TMEM132D: variants seen among roughly 807,000 people sequenced by gnomAD.
TMEM132D encodes the protein transmembrane protein 132D, also known as mature OL transmembrane protein.
Under a neutral mutation model 62.3 loss-of-function variants are expected in TMEM132D, and 21 were observed. That is an observed-to-expected ratio of 0.34 (90% CI 0.24 to 0.49). The LOEUF is 0.49. Among genes scored for constraint, TMEM132D ranks in the 20% least tolerant of loss-of-function variants. The probability of loss-of-function intolerance (pLI) is 0.99; values close to 1 mark genes in which losing one functional copy is unlikely to be tolerated. For missense variants in TMEM132D, 1,346 were observed against 1,402.8 expected (o/e 0.96, Z 0.65); for synonymous variants, 621 against 575.6 (o/e 1.08, Z -1.13).
chr12:129,114,413 C>A, intron 5 of TMEM132D, among the ~76,000 whole-genome samples: 1 of 151,642 alleles, frequency 6.6e-6, no homozygotes, highest in East Asian at 1.9e-4. Context: ...TCCTTCCCTC[C>A]TTCCCTCCTT....
chr12:129,254,718 C>T (rs1262876281), intron 4 of TMEM132D, among the ~76,000 whole-genome samples: 1 of 152,148 alleles, frequency 6.6e-6, no homozygotes, highest in Non-Finnish European at 1.5e-5. Flanking sequence ...ACAGGCACCG[C>T]CAAGGCACAC....
intron 2 of TMEM132D, among the ~76,000 whole-genome samples, chr12:129,659,839 C>T (rs922174854): frequency 3.3e-5 from 5 of 152,170 alleles, no homozygotes; most frequent in Non-Finnish European, 5.9e-5. Context: ...AGGGAAGTTA[C>T]ACTTTTCAAC....
intron 1 of TMEM132D, among the ~76,000 whole-genome samples, chr12:129,875,613 G>A (rs1398448646): frequency 1.3e-5 from 2 of 152,092 alleles, no homozygotes; most frequent in East Asian, 1.9e-4. Flanking sequence ...GGGAAGAGAG[G>A]CGTGGCCTCT....
chr12:129,609,404 G>T (rs977770195), intron 2 of TMEM132D, among the ~76,000 whole-genome samples: 1 of 152,046 alleles, frequency 6.6e-6, no homozygotes, highest in Non-Finnish European at 1.5e-5. Context: ...TCTTGCCAAG[G>T]ACTCATCCCA....
At chr12:129,339,760 C>T (rs535806720) in intron 3 of TMEM132D, among the ~76,000 whole-genome samples, 10 of 152,248 alleles carry the variant, frequency 6.6e-5, no homozygotes, top group Admixed American at 2.6e-4. Flanking sequence ...TCTCCGTCTC[C>T]GAGTCTGTGG....
At chr12:129,087,025 A>C (rs1292001896) in intron 5 of TMEM132D, among the ~76,000 whole-genome samples, 1 of 152,242 alleles carries the variant, frequency 6.6e-6, no homozygotes, top group East Asian at 1.9e-4. Context: ...GCAAATCCTA[A>C]GTCTACCATA....
Position 129,488,105 on chromosome 12 carries a change from A to C in TMEM132D, c.1115+42954T>G, listed in dbSNP as rs1003417945. Among the ~76,000 whole-genome samples, 9 of 152,204 alleles carry C rather than the reference A, an allele frequency of 5.9e-5. No individual in the cohort carries two copies. The East Asian group carries it at 1.2e-3, about 20-fold the overall frequency. ...CAGGTGCCATCTTGGAAGCGAGAGC[A>C]GCTCTCACCACGCACCAATGCCGGC... On this transcript the variant is annotated intron_variant, in intron 3 of 8. Transcript: ENST00000422113.
intron 3 of TMEM132D, among the ~76,000 whole-genome samples, chr12:129,377,776 A>G (rs1298659050): frequency 6.6e-6 from 1 of 152,240 alleles, no homozygotes; most frequent in Non-Finnish European, 1.5e-5. Context: ...ATGACTGTGC[A>G]GACCCACATG....
At chr12:129,751,376 G>A (rs1038179414) in intron 1 of TMEM132D, among the ~76,000 whole-genome samples, 1 of 152,136 alleles carries the variant, frequency 6.6e-6, no homozygotes, top group African/African-American at 2.4e-5. Flanking sequence ...GAACAGCAAG[G>A]GGTAAATCCA....
chr12:129,469,712 A>T (rs1006421265), intron 3 of TMEM132D, among the ~76,000 whole-genome samples: 3 of 152,124 alleles, frequency 2.0e-5, no homozygotes, highest in African/African-American at 4.8e-5. Flanking sequence ...GAAAAAGGAG[A>T]TTTTAGAAAA....
chr12:129,519,655 CT>C (rs1467290448), intron 3 of TMEM132D, among the ~76,000 whole-genome samples: 4 of 150,766 alleles, frequency 2.7e-5, no homozygotes, highest in African/African-American at 7.3e-5. Flanking sequence ...GTGGCCCAGG[CT>C]GGAGTCCAGT....
At chr12:129,877,172 T>TTAATAA (rs777331883) in intron 1 of TMEM132D, among the ~76,000 whole-genome samples, 1 of 9,408 alleles carries the variant, frequency 1.1e-4, no homozygotes, top group Non-Finnish European at 2.3e-3. Flanking sequence ...GAATATTATA[T>TTAATAA]TTATAATTAT....
intron 2 of TMEM132D, among the ~76,000 whole-genome samples, chr12:129,640,917 T>C (rs1055188317): frequency 5.9e-5 from 9 of 152,100 alleles, no homozygotes; most frequent in Admixed American, 5.2e-4. Flanking sequence ...GGGATCTAGG[T>C]TGCACGCTCC....
intron 3 of TMEM132D, among the ~76,000 whole-genome samples, chr12:129,402,730 C>A (rs928524227): frequency 6.6e-6 from 1 of 152,096 alleles, no homozygotes; most frequent in Non-Finnish European, 1.5e-5. Flanking sequence ...TAGAGAAATT[C>A]TTTCTTTCTC....
intron 1 of TMEM132D, among the ~76,000 whole-genome samples, chr12:129,818,329 A>G (rs59607859): frequency 1 from 147,977 of 148,466 alleles, 73,744 homozygotes; most frequent in Middle Eastern, 1. Flanking sequence ...CTGTGTATCT[A>G]TGTGTATCTG....
intron 5 of TMEM132D, among the ~76,000 whole-genome samples, chr12:129,089,505 C>A (rs551487001): frequency 1.4e-5 from 1 of 70,202 alleles, no homozygotes; most frequent in African/African-American, 3.9e-5. Flanking sequence ...CGGGTGTCCT[C>A]TATGACCGGG....
At position 129,269,734 on chromosome 12, in the gene TMEM132D, G is replaced by A. The variant is rs1880801232; in HGVS notation, c.1300-60071C>T. Among the ~76,000 whole-genome samples the A allele has an allele frequency of 2.6e-5, 4 of 152,200 alleles. No individual in the cohort carries two copies. The South Asian group carries it at 8.3e-4, about 32-fold the overall frequency. ...GGTCTGCTTTGTTCCTGCCTGTTCC[G>A]CTCCAGCTCACTTGCATCCTGGTCT... On this transcript the variant is annotated intron_variant, in intron 4 of 8. Coordinates refer to ENST00000422113, the MANE Select transcript of TMEM132D (RefSeq NM_133448.3).
At chr12:129,398,475 T>C (rs1871498054) in intron 3 of TMEM132D, among the ~76,000 whole-genome samples, 2 of 152,190 alleles carry the variant, frequency 1.3e-5, no homozygotes, top group African/African-American at 4.8e-5. Context: ...TCAGCAGACA[T>C]GCCTTTATAT....
At chr12:129,367,855 G>A (rs529824249) in intron 3 of TMEM132D, among the ~76,000 whole-genome samples, 1 of 144,174 alleles carries the variant, frequency 6.9e-6, no homozygotes, top group Non-Finnish European at 1.5e-5. Flanking sequence ...GTGCAATCTT[G>A]GCTCACTGCA....
Sources: allele counts gnomAD v4.1 joint callset (sites outside exome capture counted in the v4.1 genomes callset), GRCh38; gene constraint gnomAD v4.1.1; transcripts MANE v1.5; gene names NCBI Gene and HGNC (gene_info 2026-07-23, HGNC 2026-07-21).